CFAP57: variants seen among roughly 807,000 people sequenced by gnomAD.
The protein encoded by CFAP57 is cilia and flagella associated protein 57.
CFAP57 carries 116 observed loss-of-function variants against 146.8 expected under a neutral mutation model. The observed-to-expected ratio is 0.79, with a 90% CI of 0.68 to 0.92. The LOEUF (loss-of-function observed/expected upper bound fraction) is 0.92, where lower values mean the gene tolerates loss of function less well. CFAP57 is among the 40% of genes least tolerant of loss of function. The pLI, the probability that CFAP57 is intolerant of heterozygous loss-of-function variation, is 0.00. For missense variants in CFAP57, 1,377 were observed against 1,527.2 expected, an observed-to-expected ratio of 0.90 and a Z score of 1.64; for synonymous variants, 518 against 552.8, an observed-to-expected ratio of 0.94 and a Z score of 0.88.
intron 21 of CFAP57, among the ~76,000 whole-genome samples, chr1:43,240,641 G>A (rs572208679): frequency 2.0e-5 from 3 of 152,292 alleles, no homozygotes; most frequent in East Asian, 1.9e-4. Context: ...CATTTCATCC[G>A]AGACAGAGAG....
chr1:43,239,480 G>A lies in CFAP57; in HGVS notation c.3406-3747G>A, dbSNP rs569201064. On this transcript the variant is annotated intron_variant, in intron 21 of 22. Coordinates refer to ENST00000372492, the MANE Select transcript of CFAP57 (RefSeq NM_001378189.1). ...AGGGGGTGGGGAGAAGCCAGGGCAG[G>A]GCTCCACTTGCCGGGGGGCCTTTAC... Among the ~76,000 whole-genome samples the A allele has an allele frequency of 3.1e-3, 477 of 152,262 alleles. 2 individuals are homozygous for A. The highest frequency in any genetic ancestry group is 5.0e-3 in the Non-Finnish European group (343 of 68,030).
At chr1:43,218,060 C>T (rs1466032817) in intron 12 of CFAP57, among the ~76,000 whole-genome samples, 2 of 152,206 alleles carry the variant, frequency 1.3e-5, no homozygotes, top group East Asian at 3.8e-4. Context: ...ACCAGATCCT[C>T]ACTAGTCTGC....
rs1432284831 is a variant in CFAP57, at chr1:43,235,163, CTT to C, written c.3405+526_3405+527del. Among the ~76,000 whole-genome samples the C allele has an allele frequency of 2.0e-5, 3 of 152,266 alleles. No individual in the cohort carries two copies. The East Asian group carries it at 5.8e-4, about 29-fold the overall frequency. ...GTGCCTCAGGTCCCTACCCTTATCT[CTT>C]GTGTCCCAAGTTAGCCACAACGTCC... On this transcript the variant is annotated intron_variant, in intron 21 of 22. Coordinates refer to ENST00000372492, the MANE Select transcript of CFAP57 (RefSeq NM_001378189.1).
chr1:43,187,293 A>G (rs899021359), intron 6 of CFAP57, among the ~76,000 whole-genome samples: 1 of 152,226 alleles, frequency 6.6e-6, no homozygotes, highest in Admixed American at 6.5e-5. Flanking sequence ...AAAGATAGAG[A>G]TCATATTGTA....
chr1:43,172,380 C>T lies in CFAP57; in HGVS notation c.-93C>T, dbSNP rs1164986478. ...AACCGCTACGGCGTTTGAAAGTGTC[C>T]GGGTTGCTTAGGATCCCTACAGGTA... On this transcript the variant is annotated 5_prime_UTR_variant, in exon 1 of 23. Coordinates refer to ENST00000372492, the MANE Select transcript of CFAP57 (RefSeq NM_001378189.1). The T allele has an allele frequency of 1.3e-6, 2 of 1,551,480 alleles. No homozygotes were observed. Among genetic ancestry groups the T allele is most frequent in the Admixed American group, 3.9e-5 (2 of 50,986 alleles).
At position 43,254,186 on chromosome 1, in the gene CFAP57, A is replaced by T. The variant is rs1448782966; in HGVS notation, c.3748A>T (p.Asn1250Tyr). 18 of 1,547,066 alleles carry T rather than the reference A, an allele frequency of 1.2e-5. No individual in the cohort carries two copies. In the African/African-American group the frequency reaches 1.9e-4, roughly 17 times the overall value. ...NSEVDLEVKT[N>Y] ...CGAGGTAGACTTAGAGGTGAAGACC[A>T]ACTGACCCCCTCTGGTGAGCCATCT... The change falls in exon 23 of 23, where the codon AAC becomes TAC. Residue 1250 changes from asparagine to tyrosine, a missense_variant. By Grantham distance (143) the Asn-to-Tyr change is moderately radical. Coordinates refer to ENST00000372492, the MANE Select transcript of CFAP57 (RefSeq NM_001378189.1).
intron 2 of CFAP57, among the ~76,000 whole-genome samples, chr1:43,179,717 C>G (rs1645311426): frequency 6.6e-6 from 1 of 152,168 alleles, no homozygotes; most frequent in Admixed American, 6.5e-5. Flanking sequence ...AGCTTTAGAA[C>G]CATGTCCACC....
At chr1:43,234,773 C>A in intron 21 of CFAP57, 135 bp downstream of exon 21, 1 of 1,140,098 alleles carries the variant, frequency 8.8e-7, no homozygotes, top group Non-Finnish European at 1.2e-6. Flanking sequence ...CCCCTAAAGT[C>A]TTATTTTGGC....
At chr1:43,199,294 AGTCTGAACTCG>A in intron 8 of CFAP57, 85 bp from the exon 9 acceptor site, 1 of 1,142,206 alleles carries the variant, frequency 8.8e-7, no homozygotes, top group Non-Finnish European at 1.3e-6. Context: ...ACGTAGTTTC[AGTCTGAACTCG>A]TTGGGAAAAG....
chr1:43,221,767 C>T (rs1645053876), intron 14 of CFAP57, among the ~76,000 whole-genome samples: 1 of 152,180 alleles, frequency 6.6e-6, no homozygotes, highest in Non-Finnish European at 1.5e-5. Flanking sequence ...TGGGGAGTCA[C>T]CTAACCTTAC....
Position 43,197,671 on chromosome 1 carries a change from G to A in CFAP57, c.1241G>A (p.Arg414His), listed in dbSNP as rs201494372. The stretch of plus-strand genomic sequence containing the variant: ...ACCTGTTCTCTGGATCGATCCATCC[G>A]CCTTTGGAATTATGAAACAAAGTAA... ...IATCSLDRSIRLWNYETNTLE... is the reference protein window; with the variant it reads ...IATCSLDRSIHLWNYETNTLE... Residue 414 changes from arginine (R) to histidine (H), a missense_variant, in exon 7 of 23, where the codon CGC becomes CAC. Physicochemically the swap from Arg to His is conservative, Grantham distance 29. Coordinates refer to ENST00000372492, the MANE Select transcript of CFAP57 (RefSeq NM_001378189.1). The A allele has an allele frequency of 1.0e-4, 163 of 1,614,010 alleles. 1 individual carries two copies. Among genetic ancestry groups the A allele is most frequent in the Non-Finnish European group, 1.2e-4 (136 of 1,180,042 alleles).
At chr1:43,217,045 T>G (rs1419167295) in intron 12 of CFAP57, among the ~76,000 whole-genome samples, 1 of 152,220 alleles carries the variant, frequency 6.6e-6, no homozygotes, top group East Asian at 1.9e-4. Flanking sequence ...CCAGAGGACA[T>G]GAGCCTTGCT....
intron 9 of CFAP57, chr1:43,206,503 G>T: frequency 5.2e-6 from 3 of 580,234 alleles, no homozygotes; most frequent in Non-Finnish European, 9.2e-6. Flanking sequence ...AAGTGAAAAA[G>T]AAATGAGAGT....
At chr1:43,228,846 G>A (rs1645358203) in intron 18 of CFAP57, among the ~76,000 whole-genome samples, 1 of 149,256 alleles carries the variant, frequency 6.7e-6, no homozygotes, top group Admixed American at 6.6e-5. Flanking sequence ...CAGATTTGGT[G>A]TCCAGGCCTG....
intron 8 of CFAP57, among the ~76,000 whole-genome samples, chr1:43,199,169 TG>T (rs1188754229): frequency 2.0e-5 from 3 of 152,174 alleles, no homozygotes; most frequent in Middle Eastern, 3.2e-3. Flanking sequence ...TAATGATTTG[TG>T]GGCCTGACAG....
At position 43,185,249 on chromosome 1, in the gene CFAP57, A is replaced by G; in HGVS notation, c.862A>G (p.Ile288Val). The change falls in exon 5 of 23, where the codon ATT (isoleucine) becomes GTT (valine). Residue 288 changes from isoleucine (I) to valine (V), a missense_variant. Physicochemically the swap from Ile to Val is conservative, Grantham distance 29 (BLOSUM62 3). Coordinates refer to ENST00000372492, the MANE Select transcript of CFAP57 (RefSeq NM_001378189.1). The stretch of plus-strand genomic sequence containing the variant: ...GATGTCCATGCCCCAGGTGTTTGCC[A>G]TTGCAGCCTATTCAAAGGGATTTGC... ...SQMSMPQVFA[I>V]AAYSKGFACS... 3.1e-6 allele frequency: 5 copies of G among 1,614,136 alleles called. No homozygotes were observed. Among genetic ancestry groups the G allele is most frequent in the Non-Finnish European group, 3.4e-6 (4 of 1,180,034 alleles).
intron 21 of CFAP57, among the ~76,000 whole-genome samples, chr1:43,242,626 ACCAGATAG>A (rs1344063616): frequency 6.6e-6 from 1 of 152,190 alleles, no homozygotes. Context: ...TTATGGACTT[ACCAGATAG>A]CCTATAAATG....
At chr1:43,185,701 T>C (rs950403073) in intron 5 of CFAP57, among the ~76,000 whole-genome samples, 2 of 126,174 alleles carry the variant, frequency 1.6e-5, no homozygotes, top group Non-Finnish European at 3.1e-5. Context: ...AAAAAAATTA[T>C]GAGGTCAGGA....
intron 6 of CFAP57, among the ~76,000 whole-genome samples, chr1:43,192,369 C>T (rs964438359): frequency 1.3e-5 from 2 of 152,164 alleles, no homozygotes; most frequent in Non-Finnish European, 2.9e-5. Context: ...CGCCTGTAAT[C>T]CCAGCACTTC....
Sources: allele counts gnomAD v4.1 joint callset (sites outside exome capture counted in the v4.1 genomes callset), GRCh38; gene constraint gnomAD v4.1.1; transcripts MANE v1.5; gene names NCBI Gene and HGNC (gene_info 2026-07-23, HGNC 2026-07-21).